The following B4GALNT3 variants were observed in gnomAD, a reference collection of about 807,000 sequenced individuals.
The protein encoded by B4GALNT3 is beta-1,4-N-acetylgalactosaminyltransferase 3.
Under a neutral mutation model 120.2 loss-of-function variants are expected in B4GALNT3, and 86 were observed. The observed-to-expected ratio is 0.72, with a 90% CI of 0.60 to 0.86. The LOEUF is 0.86. Among genes scored for constraint, B4GALNT3 ranks in the 40% least tolerant of loss-of-function variants. The pLI, the probability that B4GALNT3 is intolerant of heterozygous loss-of-function variation, is 0.00. For synonymous variants in B4GALNT3, 518 were observed against 510.4 expected (o/e 1.01, Z -0.20); for missense variants, 1,167 against 1,298.9 (o/e 0.90, Z 1.56).
rs560758719 is a variant in B4GALNT3 at position 557,173 on chromosome 12, C to T, written c.2380+307C>T. On this transcript the variant is annotated intron_variant, in intron 15 of 19. Coordinates refer to ENST00000266383, the MANE Select transcript of B4GALNT3 (RefSeq NM_173593.4). ...TGATCATTGGTCTGGGGAAGTAAGA[C>T]GGGCAGCGTACTTAATGAAGTGATG... Among the ~76,000 whole-genome samples the T allele has an allele frequency of 4.6e-4, 70 of 152,114 alleles. 1 individual carries two copies. In the South Asian group the frequency reaches 0.014, roughly 30 times the overall value.
At chr12:482,533 A>G (rs755723095) in intron 1 of B4GALNT3, among the ~76,000 whole-genome samples, 50 of 152,214 alleles carry the variant, frequency 3.3e-4, no homozygotes, top group Non-Finnish European at 6.6e-4. Flanking sequence ...TTGAGTTCCA[A>G]TAAAGATCAA....
intron 1 of B4GALNT3, among the ~76,000 whole-genome samples, chr12:530,150 G>A (rs561682485): frequency 5.9e-5 from 9 of 152,346 alleles, no homozygotes; most frequent in South Asian, 2.1e-4. Context: ...ACATCCTGCC[G>A]TGTACCTTGT....
At chr12:518,378 A>G (rs1176197998) in intron 1 of B4GALNT3, among the ~76,000 whole-genome samples, 1 of 152,202 alleles carries the variant, frequency 6.6e-6, no homozygotes, top group Non-Finnish European at 1.5e-5. Context: ...TATATAAAAT[A>G]TGGTGCAGTA....
intron 1 of B4GALNT3, among the ~76,000 whole-genome samples, chr12:520,200 A>G (rs1271877663): frequency 1.3e-5 from 2 of 152,184 alleles, no homozygotes; most frequent in African/African-American, 2.4e-5. Flanking sequence ...AAAGCTATCC[A>G]TGCGTCTTAG....
chr12:461,365 G>A lies in B4GALNT3; in HGVS notation c.169+820G>A, dbSNP rs117648475. Among the ~76,000 whole-genome samples the A allele has an allele frequency of 6.3e-3, 967 of 152,308 alleles. 2 individuals are homozygous for A. Among genetic ancestry groups the A allele is most frequent in the Non-Finnish European group, 0.01 (683 of 68,024 alleles). ...CCTCAGTTTCCTCCTAGGAAAACAG[G>A]AGAGCGTGGTCTCTTTGCCTTTTTA... On this transcript the variant is annotated intron_variant, in intron 1 of 19. Transcript: ENST00000266383.
Position 553,297 on chromosome 12 carries a change from A to G in B4GALNT3, c.1374A>G (p.Thr458=). Residue 458 remains threonine (T), a synonymous_variant, in exon 14 of 20, where the codon ACA becomes ACG. Transcript: ENST00000266383. Reference sequence around the variant, plus strand: ...CCAGGATGCTTGAGGGAAGACAGACACCTGCCTCCACCCTGGAGCAAGATG... The same window carrying G: ...CCAGGATGCTTGAGGGAAGACAGACGCCTGCCTCCACCCTGGAGCAAGATG... ...QNARMLEGRQ[T]PASTLEQDAT... is the part of the protein sequence containing the mutation. 6.2e-7 allele frequency: 1 copy of G among 1,613,470 alleles called. No individual in the cohort carries two copies. The highest frequency in any genetic ancestry group is 8.5e-7 in the Non-Finnish European group (1 of 1,180,022).
Position 526,351 on chromosome 12 carries a change from A to G in B4GALNT3, c.170-8815A>G, listed in dbSNP as rs570168535. On this transcript the variant is annotated intron_variant, in intron 1 of 19. Transcript: ENST00000266383. ...CTCTTTGAAAGACTCCAGGGAGGAA[A>G]AGGATTGCCCCACATCTTCCGTCTG... 5.3e-5 allele frequency among the ~76,000 whole-genome samples: 8 copies of G among 152,200 alleles called. No homozygotes were observed. The South Asian group carries it at 6.2e-4, about 12-fold the overall frequency.
intron 1 of B4GALNT3, among the ~76,000 whole-genome samples, chr12:530,178 A>G (rs143361423): frequency 2.0e-5 from 3 of 152,292 alleles, no homozygotes; most frequent in Non-Finnish European, 4.4e-5. Context: ...CCTGTTGGGC[A>G]TTGGCAGAAG....
chr12:547,563 C>G lies in B4GALNT3; in HGVS notation c.708-461C>G, dbSNP rs186017285. 3.2e-3 allele frequency among the ~76,000 whole-genome samples: 493 copies of G among 152,226 alleles called. 3 individuals are homozygous for G. The highest frequency in any genetic ancestry group is 9.3e-3 in the Admixed American group (143 of 15,296). ...GTGCCAGCTGCCGTGGTGGGTACGC[C>G]GTGTGCAGCTCCGCAGAGCAGCTGG... On this transcript the variant is annotated intron_variant, in intron 7 of 19. Coordinates refer to ENST00000266383, the MANE Select transcript of B4GALNT3 (RefSeq NM_173593.4).
At chr12:527,818 G>A (rs1946770899) in intron 1 of B4GALNT3, among the ~76,000 whole-genome samples, 1 of 152,204 alleles carries the variant, frequency 6.6e-6, no homozygotes, top group African/African-American at 2.4e-5. Flanking sequence ...AGCTGTTTGG[G>A]ACCGTGGGAC....
chr12:499,023 G>A (rs1345315689), intron 1 of B4GALNT3, among the ~76,000 whole-genome samples: 1 of 152,176 alleles, frequency 6.6e-6, no homozygotes, highest in Non-Finnish European at 1.5e-5. Flanking sequence ...GGCATACAGA[G>A]AGGACACAAA....
rs1373735370 is a variant in B4GALNT3 at position 553,762 on chromosome 12, G to A, written c.1839G>A (p.Glu613=). The A allele has an allele frequency of 6.2e-7, 1 of 1,614,218 alleles. No homozygotes were observed. The highest frequency in any genetic ancestry group is 1.7e-5 in the Admixed American group (1 of 60,030). The change falls in exon 14 of 20, where the codon GAG becomes GAA. Residue 613 remains glutamate (E), a synonymous_variant. Coordinates refer to ENST00000266383, the MANE Select transcript of B4GALNT3 (RefSeq NM_173593.4). ...GAGAGGAAGAGGGGGAAGAAGAGGA[G>A]GAGGAAGAGGATATGAGTGAGGTGT... ...VEGEEEGEEE[E]EEEDMSEVFE... is the part of the protein sequence containing the mutation.
chr12:551,060 C>T, intron 11 of B4GALNT3, 29 bp downstream of exon 11: 1 of 1,545,010 alleles, frequency 6.5e-7, no homozygotes, highest in Non-Finnish European at 8.9e-7. Flanking sequence ...TCATGGAGAG[C>T]AGGGCTGGCA....
rs181590285 is a variant in B4GALNT3 at position 561,320 on chromosome 12, C to A, written c.2889-23C>A. ...GCTGCCTTCTGTGCTTCTGTTGGCT[C>A]ATCTGTGTTTCTCCTCCTCCAGGAT... On this transcript the variant is annotated intron_variant, in intron 19 of 19. Transcript: ENST00000266383. 50 of 1,589,556 alleles carry A rather than the reference C, an allele frequency of 3.1e-5. No individual in the cohort carries two copies. In the African/African-American group the frequency reaches 5.8e-4, roughly 18 times the overall value.
intron 1 of B4GALNT3, among the ~76,000 whole-genome samples, chr12:520,055 A>G (rs57974226): frequency 0.27 from 41,805 of 152,152 alleles, 6,522 homozygotes; most frequent in East Asian, 0.44. Context: ...GCCAGCTGTC[A>G]TGTCCCTCCA....
At position 544,095 on chromosome 12, in the gene B4GALNT3, A is replaced by G. The variant is rs536225824; in HGVS notation, c.352-244A>G. On this transcript the variant is annotated intron_variant, in intron 3 of 19. Coordinates refer to ENST00000266383, the MANE Select transcript of B4GALNT3 (RefSeq NM_173593.4). ...GAGCTGGGGCGGGCATGGGGTGCTC[A>G]TCTTCCTGGAGCTGAGGAGCTGGGA... Among the ~76,000 whole-genome samples the G allele has an allele frequency of 2.1e-3, 255 of 121,664 alleles. 3 individuals carry two copies. The highest frequency in any genetic ancestry group is 8.0e-3 in the African/African-American group (245 of 30,726). 79.8% of individuals were successfully genotyped at this position (121,664 alleles called of 152,430 possible). A position where few individuals can be genotyped will look rare whatever the true frequency, so the allele number is the denominator to read the frequency against.
At chr12:516,296 T>C (rs1333531928) in intron 1 of B4GALNT3, among the ~76,000 whole-genome samples, 3 of 152,132 alleles carry the variant, frequency 2.0e-5, no homozygotes, top group East Asian at 1.9e-4. Context: ...AAGAGAGTGA[T>C]AGGCTGGAGG....
intron 1 of B4GALNT3, among the ~76,000 whole-genome samples, chr12:485,651 G>A (rs577393871): frequency 6.6e-6 from 1 of 152,232 alleles, no homozygotes; most frequent in East Asian, 1.9e-4. Context: ...AAATAACTGA[G>A]GCGATACAAG....
chr12:554,570 C>T (rs1266861128), intron 14 of B4GALNT3, among the ~76,000 whole-genome samples: 1 of 151,744 alleles, frequency 6.6e-6, no homozygotes, highest in Non-Finnish European at 1.5e-5. Context: ...GCGGGCGGAT[C>T]ACGAGGTCAG....
Sources: allele counts gnomAD v4.1 joint callset (sites outside exome capture counted in the v4.1 genomes callset), GRCh38; gene constraint gnomAD v4.1.1; transcripts MANE v1.5; gene names NCBI Gene and HGNC (gene_info 2026-07-23, HGNC 2026-07-21).